UBE2Q2: variants seen among roughly 807,000 people sequenced by gnomAD.
UBE2Q2 encodes the protein ubiquitin conjugating enzyme E2 Q2.
UBE2Q2 carries 54 observed loss-of-function variants against 59.9 expected under a neutral mutation model. The observed-to-expected ratio is 0.90, with a 90% CI of 0.72 to 1.13. The LOEUF (loss-of-function observed/expected upper bound fraction) is 1.13, where lower values mean the gene tolerates loss of function less well. Ranked by LOEUF, UBE2Q2 falls within the 50% of genes most tolerant of loss-of-function variation. The probability of loss-of-function intolerance (pLI) is 0.00; values close to 1 mark genes in which losing one functional copy is unlikely to be tolerated. For synonymous variants in UBE2Q2, 165 were observed against 155.2 expected (o/e 1.06, Z -0.47); for missense variants, 433 against 441.9 (o/e 0.98, Z 0.18).
At chr15:75,851,073 A>C (rs1896612508) in intron 1 of UBE2Q2, among the ~76,000 whole-genome samples, 1 of 151,706 alleles carries the variant, frequency 6.6e-6, no homozygotes, top group Non-Finnish European at 1.5e-5. Context: ...CCTTATACAG[A>C]TACCTGGTTG....
chr15:75,868,525 A>G (rs939928276), intron 3 of UBE2Q2, among the ~76,000 whole-genome samples: 3 of 152,246 alleles, frequency 2.0e-5, no homozygotes, highest in Admixed American at 2.0e-4. Context: ...AATTGAATTT[A>G]TGTAAATGAT....
At chr15:75,844,010 C>T in intron 1 of UBE2Q2, 164 bp downstream of exon 1, 1 of 1,409,814 alleles carries the variant, frequency 7.1e-7, no homozygotes, top group South Asian at 1.6e-5. Context: ...CGGGCTGGGA[C>T]TGCGCGAGGC....
chr15:75,879,725 T>C (rs927410587), intron 8 of UBE2Q2, among the ~76,000 whole-genome samples: 4 of 152,026 alleles, frequency 2.6e-5, no homozygotes, highest in Non-Finnish European at 5.9e-5. Context: ...TTATCTATGG[T>C]GTTAAAATTC....
At position 75,843,710 on chromosome 15, in the gene UBE2Q2, C is replaced by T. The variant is rs748754993; in HGVS notation, c.44C>T (p.Ser15Phe). 4 of 1,611,422 alleles carry T rather than the reference C, an allele frequency of 2.5e-6. No individual in the cohort carries two copies. The highest frequency in any genetic ancestry group is 1.3e-5 in the African/African-American group (1 of 74,476). ...AAGGCCGAGCTGAAGTTCCTGGCGTCCATCTTCGACAAGAACCACGAGCGA... is the reference window on the plus strand; with the variant it reads ...AAGGCCGAGCTGAAGTTCCTGGCGTTCATCTTCGACAAGAACCACGAGCGA... ...GLKAELKFLA[S>F]IFDKNHERFR... Residue 15 changes from serine (S) to phenylalanine (F), a missense_variant, in exon 1 of 13, where the codon TCC (serine) becomes TTC (phenylalanine). By Grantham distance (155) the Ser-to-Phe change is radical (BLOSUM62 -2). Transcript: ENST00000267938.
intron 3 of UBE2Q2, among the ~76,000 whole-genome samples, chr15:75,866,659 CT>C (rs1266279154): frequency 2.0e-5 from 3 of 152,084 alleles, no homozygotes; most frequent in Non-Finnish European, 4.4e-5. Context: ...CCCCCATCTC[CT>C]TTTTTTCTCT....
chr15:75,894,154 A>G (rs1014622667), intron 11 of UBE2Q2, among the ~76,000 whole-genome samples: 8 of 152,226 alleles, frequency 5.3e-5, no homozygotes, highest in African/African-American at 1.4e-4. Context: ...CAATAATGCA[A>G]TCATTACTTA....
At chr15:75,843,962 G>A (rs1270535545) in intron 1 of UBE2Q2, 116 bp downstream of exon 1, 2 of 1,408,572 alleles carry the variant, frequency 1.4e-6, no homozygotes, top group African/African-American at 3.0e-5. Context: ...GGGCGGGGCA[G>A]GCCCGCCCCT....
chr15:75,891,088 G>A, intron 11 of UBE2Q2, 74 bp downstream of exon 11: 1 of 1,148,988 alleles, frequency 8.7e-7, no homozygotes, highest in Non-Finnish European at 1.2e-6. Flanking sequence ...TTCCTGTCTT[G>A]ACTTAATTCT....
intron 3 of UBE2Q2, among the ~76,000 whole-genome samples, chr15:75,861,854 C>T (rs184018712): frequency 6.6e-6 from 1 of 152,322 alleles, no homozygotes; most frequent in East Asian, 1.9e-4. Flanking sequence ...TTTGGCAGCT[C>T]TCACTATGTG....
At position 75,900,572 on chromosome 15, in the gene UBE2Q2, C is replaced by CAAG. The variant is rs2307792; in HGVS notation, c.*1116_*1117insGAA. 0.98 allele frequency: 150,313 copies of CAAG among 152,712 alleles called. 74,017 individuals are homozygous for CAAG. The highest frequency in any genetic ancestry group is 1 in the East Asian group (5,188 of 5,188). 9.5% of individuals were successfully genotyped at this position (152,712 alleles called of 1,614,324 possible). On this transcript the variant is annotated 3_prime_UTR_variant, in exon 13 of 13. Transcript: ENST00000267938. Reference sequence around the variant, plus strand: ...AATTCTAGTTCTTAAGCACTTTTAACAAATCCAGAAGCACATTTTTCTGCA... The same window carrying CAAG: ...AATTCTAGTTCTTAAGCACTTTTAACAAGAAATCCAGAAGCACATTTTTCTGCA...
chr15:75,873,559 C>T lies in UBE2Q2; in HGVS notation c.579C>T (p.Asp193=), dbSNP rs773563427. 3 of 1,612,336 alleles carry T rather than the reference C, an allele frequency of 1.9e-6. No individual in the cohort carries two copies. The highest frequency in any genetic ancestry group is 1.7e-5 in the Admixed American group (1 of 59,652). Residue 193 remains aspartate, a synonymous_variant, in exon 5 of 13, where the codon GAC becomes GAT. Transcript: ENST00000267938. ...AAATTAGGAAGACTCAAAGGCAAGA[C>T]CATTTAAATGTAAGTGTGTGTAGAT... ...LEKIRKTQRQ[D]HLNGAVSGSV...
chr15:75,869,510 C>G (rs967681967), intron 4 of UBE2Q2, among the ~76,000 whole-genome samples: 3 of 152,174 alleles, frequency 2.0e-5, no homozygotes, highest in Non-Finnish European at 2.9e-5. Flanking sequence ...CATTTATTTT[C>G]TCACTGTTCT....
At chr15:75,889,700 TTGTTCTAAAACTATCA>T (rs1428156024) in intron 9 of UBE2Q2, among the ~76,000 whole-genome samples, 1 of 152,218 alleles carries the variant, frequency 6.6e-6, no homozygotes, top group African/African-American at 2.4e-5. Flanking sequence ...ACCACAGTTT[TTGTTCTAAAACTATCA>T]TTCCCTTGAT....
In UBE2Q2 at chr15:75,885,320, G is replaced by A. The variant is rs1898697257; in HGVS notation, c.884+1896G>A. On this transcript the variant is annotated intron_variant, in intron 9 of 12. Coordinates refer to ENST00000267938, the MANE Select transcript of UBE2Q2 (RefSeq NM_173469.4). ...TTTAGTGGAGATGGGGTTTCACCAT[G>A]TTGGCCAGGATGGTCTCTATCTCTT... 2.6e-5 allele frequency among the ~76,000 whole-genome samples: 4 copies of A among 152,220 alleles called. No homozygotes were observed. The East Asian group carries it at 7.8e-4, about 30-fold the overall frequency.
chr15:75,847,170 C>T (rs1423718739), intron 1 of UBE2Q2, among the ~76,000 whole-genome samples: 1 of 152,158 alleles, frequency 6.6e-6, no homozygotes, highest in African/African-American at 2.4e-5. Context: ...TTTTTATCTT[C>T]CACTCAATAA....
In UBE2Q2 at chr15:75,883,606, A is replaced by G. The variant is rs79241469; in HGVS notation, c.884+182A>G. 2.7e-3 allele frequency among the ~76,000 whole-genome samples: 391 copies of G among 143,948 alleles called. 2 individuals carry two copies. Among genetic ancestry groups the G allele is most frequent in the African/African-American group, 9.3e-3 (370 of 39,574 alleles). 94.4% of individuals were successfully genotyped at this position (143,948 alleles called of 152,430 possible). A position where few individuals can be genotyped will look rare whatever the true frequency, so the allele number is the denominator to read the frequency against. Reference sequence around the variant, plus strand: ...CATGAGGCCACTGTGCCTGGCCTGCATTTTTTTTTTTTCTTCTAAATATAG... The same window carrying G: ...CATGAGGCCACTGTGCCTGGCCTGCGTTTTTTTTTTTTCTTCTAAATATAG... On this transcript the variant is annotated intron_variant, in intron 9 of 12. Coordinates refer to ENST00000267938, the MANE Select transcript of UBE2Q2 (RefSeq NM_173469.4).
At chr15:75,893,050 A>G (rs564247337) in intron 11 of UBE2Q2, among the ~76,000 whole-genome samples, 1 of 152,290 alleles carries the variant, frequency 6.6e-6, no homozygotes, top group African/African-American at 2.4e-5. Flanking sequence ...GGTCTAAAAT[A>G]TGTCTTAGTG....
intron 12 of UBE2Q2, 59 bp from the exon 13 acceptor site, chr15:75,899,368 C>A: frequency 7.7e-7 from 1 of 1,301,032 alleles, no homozygotes; most frequent in Non-Finnish European, 1.1e-6. Context: ...TTATTACATG[C>A]CAGTTCTTCT....
intron 9 of UBE2Q2, among the ~76,000 whole-genome samples, chr15:75,887,255 A>G (rs186131227): frequency 2.0e-5 from 3 of 152,324 alleles, no homozygotes; most frequent in Admixed American, 2.0e-4. Flanking sequence ...TTAATTTATC[A>G]GAGGTTTAAA....
Sources: allele counts gnomAD v4.1 joint callset (sites outside exome capture counted in the v4.1 genomes callset), GRCh38; gene constraint gnomAD v4.1.1; transcripts MANE v1.5; gene names NCBI Gene and HGNC (gene_info 2026-07-23, HGNC 2026-07-21).